Variants in TMPRSS15 observed in about 807,000 individuals in gnomAD.
The protein encoded by TMPRSS15 is enteropeptidase.
TMPRSS15 carries 128 observed loss-of-function variants against 125.3 expected under a neutral mutation model. That is an observed-to-expected ratio of 1.02 (90% CI 0.89 to 1.18). The LOEUF (loss-of-function observed/expected upper bound fraction) is 1.18. Among genes scored for constraint, TMPRSS15 ranks in the 50% most tolerant of loss-of-function variants. TMPRSS15 has a pLI of 0.00. For missense variants in TMPRSS15, 1,283 were observed against 1,212.7 expected, an observed-to-expected ratio of 1.06 and a Z score of -0.86; for synonymous variants, 446 against 423.2, an observed-to-expected ratio of 1.05 and a Z score of -0.66.
intron 1 of TMPRSS15, among the ~76,000 whole-genome samples, chr21:18,443,260 T>C (rs1247992357): frequency 6.6e-6 from 1 of 152,140 alleles, no homozygotes; most frequent in Non-Finnish European, 1.5e-5. Context: ...TGGTGAACAC[T>C]GACTCTGCAG....
rs774236854 is a variant in TMPRSS15, at chr21:18,315,190, T to C, written c.1988A>G (p.Asp663Gly). 7 of 1,613,934 alleles carry C rather than the reference T, an allele frequency of 4.3e-6. No homozygotes were observed. The highest frequency in any genetic ancestry group is 5.9e-6 in the Non-Finnish European group (7 of 1,180,002). The change falls in exon 17 of 25, where the codon GAC becomes GGC. Residue 663 changes from aspartate to glycine, a missense_variant. Transcript: ENST00000284885. Reference protein sequence around the residue: ...GECVPLVNLCDGHLHCEDGSD... With the variant: ...GECVPLVNLCGGHLHCEDGSD... ...GCCATCCTCACAGTGCAGATGACCG[T>C]CACAGAGATTCACCAGTGGAACACA...
At chr21:18,314,363 C>T (rs2075135220) in intron 17 of TMPRSS15, among the ~76,000 whole-genome samples, 1 of 152,164 alleles carries the variant, frequency 6.6e-6, no homozygotes, top group Non-Finnish European at 1.5e-5. Context: ...ACTGCAACCT[C>T]CGCCTCCCAG....
intron 1 of TMPRSS15, among the ~76,000 whole-genome samples, chr21:18,445,866 C>A (rs990242380): frequency 6.6e-6 from 1 of 152,126 alleles, no homozygotes; most frequent in Non-Finnish European, 1.5e-5. Context: ...GGACAAGGAA[C>A]TATTGAAAGC....
intron 15 of TMPRSS15, 59 bp from the exon 16 acceptor site, chr21:18,326,631 G>A: frequency 1.2e-6 from 2 of 1,604,976 alleles, no homozygotes; most frequent in Non-Finnish European, 1.7e-6. Context: ...AGAAGGAAAT[G>A]TACCCCACAT....
intron 6 of TMPRSS15, among the ~76,000 whole-genome samples, chr21:18,366,324 A>G (rs2075737096): frequency 6.6e-6 from 1 of 152,138 alleles, no homozygotes; most frequent in South Asian, 2.1e-4. Flanking sequence ...TTTAAAGCTC[A>G]TTACTCTTGC....
At chr21:18,289,330 T>C (rs2074805068) in intron 21 of TMPRSS15, among the ~76,000 whole-genome samples, 2 of 152,076 alleles carry the variant, frequency 1.3e-5, no homozygotes, top group Admixed American at 1.3e-4. Flanking sequence ...CTGACCAACA[T>C]GGAGAAACCC....
At chr21:18,302,780 G>C (rs1030436433) in intron 18 of TMPRSS15, among the ~76,000 whole-genome samples, 1 of 152,212 alleles carries the variant, frequency 6.6e-6, no homozygotes, top group African/African-American at 2.4e-5. Flanking sequence ...AAATACGTCT[G>C]AGAGAAGTGA....
intron 21 of TMPRSS15, among the ~76,000 whole-genome samples, chr21:18,288,594 G>A (rs2074795048): frequency 3.1e-5 from 4 of 129,648 alleles, no homozygotes; most frequent in Admixed American, 9.5e-5. Flanking sequence ...AGGCTGGAGT[G>A]CAGTGGTGCG....
At chr21:18,362,115 G>A (rs147575568) in intron 7 of TMPRSS15, among the ~76,000 whole-genome samples, 2 of 152,236 alleles carry the variant, frequency 1.3e-5, no homozygotes, top group African/African-American at 4.8e-5. Context: ...GGGGATCAAG[G>A]TGAGAGAGCA....
intron 16 of TMPRSS15, among the ~76,000 whole-genome samples, chr21:18,324,215 C>A (rs2075267653): frequency 6.6e-6 from 1 of 151,892 alleles, no homozygotes; most frequent in Non-Finnish European, 1.5e-5. Flanking sequence ...TTTATGTTTT[C>A]AATTTCAGGA....
chr21:18,329,128 T>C, intron 15 of TMPRSS15, 41 bp downstream of exon 15: 1 of 1,607,594 alleles, frequency 6.2e-7, no homozygotes. Context: ...CACAACATCT[T>C]GAGCTTTACA....
chr21:18,371,087 G>C (rs560635609), intron 6 of TMPRSS15, among the ~76,000 whole-genome samples: 1 of 152,076 alleles, frequency 6.6e-6, no homozygotes, highest in East Asian at 1.9e-4. Flanking sequence ...TATCCACAGG[G>C]GATATTTTCT....
intron 1 of TMPRSS15, among the ~76,000 whole-genome samples, chr21:18,412,285 C>G (rs776863945): frequency 6.6e-6 from 1 of 152,164 alleles, no homozygotes; most frequent in Non-Finnish European, 1.5e-5. Flanking sequence ...TATCTAATTT[C>G]CCTGCTATCA....
At chr21:18,383,594 G>C in intron 4 of TMPRSS15, 33 bp downstream of exon 4, 3 of 1,609,126 alleles carry the variant, frequency 1.9e-6, no homozygotes. Flanking sequence ...ATAGCTTAAT[G>C]ATTCAAAGAA....
At chr21:18,440,366 C>A (rs2076238428) in intron 1 of TMPRSS15, among the ~76,000 whole-genome samples, 1 of 21,960 alleles carries the variant, frequency 4.6e-5, no homozygotes, top group Non-Finnish European at 1.0e-4. Flanking sequence ...GAGCGAAACT[C>A]CGTCTCAAAA....
chr21:18,369,308 C>T (rs1342395877), intron 6 of TMPRSS15, among the ~76,000 whole-genome samples: 1 of 152,170 alleles, frequency 6.6e-6, no homozygotes, highest in Non-Finnish European at 1.5e-5. Flanking sequence ...GATCTATGCT[C>T]ACCCACCAAG....
intron 1 of TMPRSS15, among the ~76,000 whole-genome samples, chr21:18,428,837 C>T (rs1309050530): frequency 6.6e-6 from 1 of 152,154 alleles, no homozygotes; most frequent in Non-Finnish European, 1.5e-5. Context: ...ACACAGAGGC[C>T]CTACTGGGGC....
chr21:18,341,657 G>A, intron 12 of TMPRSS15, 109 bp from the exon 13 acceptor site: 1 of 1,215,140 alleles, frequency 8.2e-7, no homozygotes. Context: ...ATTCAATATT[G>A]TCACCTTGAA....
At chr21:18,333,780 G>A (rs1463403815) in intron 13 of TMPRSS15, among the ~76,000 whole-genome samples, 1 of 152,106 alleles carries the variant, frequency 6.6e-6, no homozygotes, top group Non-Finnish European at 1.5e-5. Flanking sequence ...GACACTTTAA[G>A]TAGGTAGATT....
Sources: gnomAD v4.1 joint callset for allele counts (sites outside exome capture counted in the v4.1 genomes callset) on GRCh38, gnomAD v4.1.1 for gene constraint, MANE v1.5 for transcripts, NCBI Gene and HGNC (gene_info 2026-07-23, HGNC 2026-07-21) for gene names.